The following RTKN2 variants were observed in gnomAD, a reference collection of about 807,000 sequenced individuals.
RTKN2 encodes the protein rhotekin-2.
RTKN2 carries 69 observed loss-of-function variants against 71.5 expected under a neutral mutation model. The observed-to-expected ratio is 0.96, with a 90% CI of 0.79 to 1.18. RTKN2 has a LOEUF of 1.18. RTKN2 is among the 50% of genes most tolerant of loss of function. RTKN2 has a pLI of 0.00. For missense variants in RTKN2, 724 were observed against 719.7 expected (o/e 1.01, Z -0.07); for synonymous variants, 236 against 236.5 (o/e 1.00, Z 0.02).
intron 10 of RTKN2, among the ~76,000 whole-genome samples, chr10:62,200,576 T>G (rs1326267064): frequency 1.3e-5 from 2 of 151,600 alleles, no homozygotes; most frequent in Non-Finnish European, 1.5e-5. Context: ...GGTTAAACAA[T>G]CAACTGAAAT....
intron 10 of RTKN2, 73 bp from the exon 11 acceptor site, chr10:62,199,934 T>C (rs1247917018): frequency 2.1e-6 from 2 of 934,610 alleles, no homozygotes; most frequent in Non-Finnish European, 1.7e-6. Flanking sequence ...TTTTAATAGA[T>C]AGCAATACAT....
intron 9 of RTKN2, among the ~76,000 whole-genome samples, chr10:62,212,642 G>A (rs1436960745): frequency 1.3e-5 from 2 of 152,072 alleles, no homozygotes; most frequent in Admixed American, 6.6e-5. Flanking sequence ...GGTGGAGGCT[G>A]CAGTGAGCTG....
intron 11 of RTKN2, among the ~76,000 whole-genome samples, chr10:62,199,425 G>C (rs962990997): frequency 6.6e-6 from 1 of 152,110 alleles, no homozygotes; most frequent in East Asian, 1.9e-4. Flanking sequence ...TACTGAACAT[G>C]ATTACATTTT....
chr10:62,194,040 A>G lies in RTKN2; in HGVS notation c.*3868T>C. The G allele has an allele frequency of 1.0e-6, 1 of 983,504 alleles. No individual in the cohort carries two copies. Among genetic ancestry groups the G allele is most frequent in the South Asian group, 4.7e-5 (1 of 21,244 alleles). 60.9% of individuals were successfully genotyped at this position (983,504 alleles called of 1,614,324 possible). A position where few individuals can be genotyped will look rare whatever the true frequency, so the allele number is the denominator to read the frequency against. On this transcript the variant is annotated 3_prime_UTR_variant, in exon 12 of 12. Coordinates refer to ENST00000373789, the MANE Select transcript of RTKN2 (RefSeq NM_145307.4). ...TTTAATGTACAGAAGTTTCAATTAC[A>G]TGACTTGGGCTCGCTTACCAAATAC...
rs761624230 is a variant in RTKN2, at chr10:62,199,874, G to C, written c.1187-13C>G. ...TGCTTCCATTGGCCTAAGACAGACA[G>C]AAAAAAGGTAGACTAGTTTAAAACA... On this transcript the variant is annotated splice_polypyrimidine_tract_variant and intron_variant, in intron 10 of 11. Transcript: ENST00000373789. 6.6e-7 allele frequency: 1 copy of C among 1,508,158 alleles called. No homozygotes were observed. The highest frequency in any genetic ancestry group is 1.4e-5 in the African/African-American group (1 of 72,062). 93.4% of individuals were successfully genotyped at this position (1,508,158 alleles called of 1,614,324 possible).
chr10:62,222,994 C>T (rs377304803), intron 7 of RTKN2, among the ~76,000 whole-genome samples: 3 of 152,206 alleles, frequency 2.0e-5, no homozygotes, highest in African/African-American at 7.2e-5. Flanking sequence ...AATTCCAAGT[C>T]AAAAACAAGG....
Position 62,246,048 on chromosome 10 carries a change from T to A in RTKN2, c.267A>T (p.Lys89Asn). The A allele has an allele frequency of 6.3e-7, 1 of 1,594,428 alleles. No individual in the cohort carries two copies. Among genetic ancestry groups the A allele is most frequent in the Non-Finnish European group, 8.6e-7 (1 of 1,169,274 alleles). Residue 89 changes from lysine (K) to asparagine (N), a missense_variant, in exon 3 of 12, where the codon AAA becomes AAT. By Grantham distance (94) the Lys-to-Asn change is moderately conservative. Transcript: ENST00000373789. Reference sequence around the variant, plus strand: ...ATGCTGTTCGTTCTTTACTTTCAAATTTCACATCACTGTCAAAACAAAAAA... The same window carrying A: ...ATGCTGTTCGTTCTTTACTTTCAAAATTCACATCACTGTCAAAACAAAAAA... ...IANQTGRCDV[K>N]FESKERTACK...
At chr10:62,189,808 A>C (rs1030168813), downstream of RTKN2, among the ~76,000 whole-genome samples, 4 of 151,660 alleles carry the variant, frequency 2.6e-5, no homozygotes, top group African/African-American at 9.7e-5. Context: ...CAGGCTGGGC[A>C]ACAGAGATTT....
intron 7 of RTKN2, among the ~76,000 whole-genome samples, chr10:62,220,211 A>G (rs941934020): frequency 1.3e-5 from 2 of 152,244 alleles, no homozygotes; most frequent in African/African-American, 4.8e-5. Context: ...ACTATAGAAT[A>G]GTACACAACA....
At chr10:62,217,359 T>C (rs1841796207) in intron 8 of RTKN2, 110 bp from the exon 9 acceptor site, 1 of 752,248 alleles carries the variant, frequency 1.3e-6, no homozygotes, top group Non-Finnish European at 2.0e-6. Flanking sequence ...ATTTTTAAAA[T>C]GTGATGGAAT....
At chr10:62,223,911 C>G (rs1322792141) in intron 6 of RTKN2, among the ~76,000 whole-genome samples, 1 of 152,006 alleles carries the variant, frequency 6.6e-6, no homozygotes. Context: ...GTAGAAGAAA[C>G]CCAAGTGTCT....
chr10:62,189,329 C>T (rs1174820799), downstream of RTKN2, among the ~76,000 whole-genome samples: 1 of 152,136 alleles, frequency 6.6e-6, no homozygotes, highest in Non-Finnish European at 1.5e-5. Context: ...AAAATCACCC[C>T]TGGTTGAGAT....
intron 9 of RTKN2, among the ~76,000 whole-genome samples, chr10:62,213,023 T>A (rs1841694162): frequency 6.6e-6 from 1 of 152,152 alleles, no homozygotes; most frequent in Non-Finnish European, 1.5e-5. Flanking sequence ...CAAGTATTTA[T>A]CCTGCCTTTT....
rs749210666 is a variant in RTKN2, at chr10:62,195,798, C to T, written c.*2110G>A. 2.1e-5 allele frequency: 21 copies of T among 985,216 alleles called. No individual in the cohort carries two copies. Among genetic ancestry groups the T allele is most frequent in the Non-Finnish European group, 1.9e-5 (16 of 830,002 alleles). 61.0% of individuals were successfully genotyped at this position (985,216 alleles called of 1,614,324 possible). ...TAAGCTGGGCCCCCCAGAAAGAGAC[C>T]GAATAATTTGGTGGGGAGGGGGTGG... On this transcript the variant is annotated 3_prime_UTR_variant, in exon 12 of 12. Transcript: ENST00000373789.
intron 8 of RTKN2, among the ~76,000 whole-genome samples, 197 bp downstream of exon 8, chr10:62,217,998 C>T (rs7895712): frequency 0.73 from 111,406 of 151,966 alleles, 41,100 homozygotes; most frequent in East Asian, 0.9. Context: ...CCATCAACAT[C>T]GCAGTAGATC....
intron 9 of RTKN2, among the ~76,000 whole-genome samples, chr10:62,214,363 C>A (rs1841723990): frequency 6.6e-6 from 1 of 152,036 alleles, no homozygotes; most frequent in Non-Finnish European, 1.5e-5. Flanking sequence ...TAAATCTATA[C>A]AAATTACTAA....
intron 6 of RTKN2, among the ~76,000 whole-genome samples, chr10:62,235,505 C>T (rs1842237088): frequency 6.6e-6 from 1 of 151,994 alleles, no homozygotes; most frequent in African/African-American, 2.4e-5. Context: ...TGAAATGCTC[C>T]AAAATCTGAA....
Position 62,197,937 on chromosome 10 carries a change from G to A in RTKN2, c.1801C>T (p.Pro601Ser). Residue 601 changes from proline (P) to serine (S), a missense_variant, in exon 12 of 12, where the codon CCT (proline) becomes TCT (serine). Transcript: ENST00000373789. The stretch of plus-strand genomic sequence containing the variant: ...ACTTGTGCCTGCAGCCATGATCTAG[G>A]GTCCAGAATGTCTTTGATGGATTTC... ...RQKSIKDILD[P>S]RSWLQAQV 6.2e-7 allele frequency: 1 copy of A among 1,613,570 alleles called. No homozygotes were observed. Among genetic ancestry groups the A allele is most frequent in the Non-Finnish European group, 8.5e-7 (1 of 1,179,782 alleles).
At chr10:62,254,935 C>T (rs1415946202) in intron 2 of RTKN2, among the ~76,000 whole-genome samples, 5 of 152,044 alleles carry the variant, frequency 3.3e-5, no homozygotes, top group Non-Finnish European at 5.9e-5. Context: ...TGTCACTGCA[C>T]TCTAGCCTGG....
Sources: gnomAD v4.1 joint callset for allele counts (sites outside exome capture counted in the v4.1 genomes callset) on GRCh38, gnomAD v4.1.1 for gene constraint, MANE v1.5 for transcripts, NCBI Gene and HGNC (gene_info 2026-07-23, HGNC 2026-07-21) for gene names.